Variants in RIMS1 observed in about 807,000 individuals in gnomAD.
RIMS1 encodes regulating synaptic membrane exocytosis 1.
RIMS1 carries 83 observed loss-of-function variants against 214.1 expected under a neutral mutation model. The ratio of observed to expected loss-of-function variants is 0.39; its 90% confidence interval spans 0.32 to 0.47. The LOEUF (loss-of-function observed/expected upper bound fraction) is 0.47, where lower values mean the gene tolerates loss of function less well. RIMS1 is among the 20% of genes least tolerant of loss of function. The pLI is 0.99. For missense variants in RIMS1, 2,050 were observed against 2,161.8 expected (o/e 0.95, Z 1.03); for synonymous variants, 793 against 786.8 (o/e 1.01, Z -0.13).
chr6:71,921,118 A>T (rs1436166153), intron 1 of RIMS1, among the ~76,000 whole-genome samples: 1 of 152,008 alleles, frequency 6.6e-6, no homozygotes, highest in Non-Finnish European at 1.5e-5. Context: ...CTTCAATACA[A>T]GCCATTATTT....
At chr6:72,210,423 T>C (rs983968495) in intron 6 of RIMS1, among the ~76,000 whole-genome samples, 1 of 152,214 alleles carries the variant, frequency 6.6e-6, no homozygotes, top group African/African-American at 2.4e-5. Context: ...ATGCAGTGTG[T>C]CCTGAATACA....
intron 2 of RIMS1, among the ~76,000 whole-genome samples, chr6:72,032,413 G>T (rs1057044663): frequency 6.6e-6 from 1 of 152,122 alleles, no homozygotes; most frequent in African/African-American, 2.4e-5. Flanking sequence ...ATATATATGG[G>T]TTTAAGTTTG....
At chr6:72,189,911 A>G (rs2049779970) in intron 6 of RIMS1, among the ~76,000 whole-genome samples, 1 of 152,176 alleles carries the variant, frequency 6.6e-6, no homozygotes, top group Non-Finnish European at 1.5e-5. Context: ...GGATACAAAT[A>G]TCTTCAGTTT....
chr6:72,011,758 T>C (rs543819599), intron 2 of RIMS1, among the ~76,000 whole-genome samples: 5 of 152,238 alleles, frequency 3.3e-5, no homozygotes, highest in South Asian at 4.1e-4. Context: ...ATCAGAGAAA[T>C]GCAAATCAAA....
chr6:72,288,618 T>G (rs1286579588), intron 24 of RIMS1, among the ~76,000 whole-genome samples: 2 of 152,186 alleles, frequency 1.3e-5, no homozygotes, highest in Non-Finnish European at 2.9e-5. Context: ...CAGAATTTCT[T>G]GATTAATTGT....
intron 1 of RIMS1, among the ~76,000 whole-genome samples, chr6:71,966,276 G>A (rs1465065621): frequency 6.6e-6 from 1 of 152,166 alleles, no homozygotes; most frequent in Non-Finnish European, 1.5e-5. Context: ...TATGGAAAAT[G>A]TGTTGTTTTC....
intron 6 of RIMS1, among the ~76,000 whole-genome samples, chr6:72,183,387 G>T (rs1008174240): frequency 6.6e-6 from 1 of 152,058 alleles, no homozygotes; most frequent in Admixed American, 6.5e-5. Flanking sequence ...TGGTGATTTT[G>T]CATTCTGTCA....
intron 1 of RIMS1, among the ~76,000 whole-genome samples, chr6:71,925,883 A>AT (rs568569963): frequency 4.8e-4 from 73 of 152,244 alleles, no homozygotes; most frequent in African/African-American, 1.6e-3. Context: ...ATCCCTGTGG[A>AT]TTTTTTTACA....
At chr6:71,951,477 T>C (rs529232098) in intron 1 of RIMS1, among the ~76,000 whole-genome samples, 16 of 136,014 alleles carry the variant, frequency 1.2e-4, no homozygotes, top group African/African-American at 4.5e-4. Flanking sequence ...CTTTTCTTTT[T>C]CTTTTTTTTT....
chr6:72,094,095 T>G (rs2030253373), intron 2 of RIMS1, among the ~76,000 whole-genome samples: 2 of 133,470 alleles, frequency 1.5e-5, no homozygotes, highest in Admixed American at 1.6e-4. Context: ...TTGTCCTCAA[T>G]ATGAACTTGT....
intron 12 of RIMS1, 74 bp downstream of exon 12, chr6:72,248,201 C>A: frequency 2.3e-6 from 2 of 868,184 alleles, no homozygotes; most frequent in East Asian, 2.5e-5. Context: ...TAAATATGTT[C>A]GCCTTTCCTT....
intron 4 of RIMS1, among the ~76,000 whole-genome samples, chr6:72,147,697 A>T (rs2042935771): frequency 1.3e-5 from 2 of 152,244 alleles, no homozygotes; most frequent in Non-Finnish European, 2.9e-5. Flanking sequence ...TTTTAAATAT[A>T]CCTATAGCTT....
chr6:71,951,028 C>A (rs76851473), intron 1 of RIMS1, among the ~76,000 whole-genome samples: 112 of 152,210 alleles, frequency 7.4e-4, no homozygotes, highest in Middle Eastern at 3.4e-3. Context: ...CATTTAAATT[C>A]TTTCTTAAAA....
intron 26 of RIMS1, among the ~76,000 whole-genome samples, chr6:72,300,705 C>G (rs2094522283): frequency 6.6e-6 from 1 of 151,686 alleles, no homozygotes. Flanking sequence ...CCCTAAAGGA[C>G]AAGATATATA....
At chr6:72,025,161 CCCAA>C (rs1185657602) in intron 2 of RIMS1, among the ~76,000 whole-genome samples, 1 of 152,142 alleles carries the variant, frequency 6.6e-6, no homozygotes, top group Non-Finnish European at 1.5e-5. Flanking sequence ...GTCTTGCTCT[CCCAA>C]GTGCTGGGAT....
chr6:72,096,708 G>T (rs983258372), intron 2 of RIMS1, among the ~76,000 whole-genome samples: 1 of 152,152 alleles, frequency 6.6e-6, no homozygotes, highest in Non-Finnish European at 1.5e-5. Context: ...GACAAACAGG[G>T]CTTATGTAGC....
chr6:71,962,670 A>G (rs1263521895), intron 1 of RIMS1, among the ~76,000 whole-genome samples: 3 of 152,186 alleles, frequency 2.0e-5, no homozygotes, highest in Non-Finnish European at 2.9e-5. Flanking sequence ...AAATTTTTAT[A>G]TAAAATGAGT....
chr6:72,177,405 C>T (rs938170970), intron 4 of RIMS1, among the ~76,000 whole-genome samples: 2 of 152,134 alleles, frequency 1.3e-5, no homozygotes, highest in African/African-American at 4.8e-5. Context: ...GCATGCACCA[C>T]CATGCCCGGC....
At chr6:72,028,643 A>G (rs1415442818) in intron 2 of RIMS1, among the ~76,000 whole-genome samples, 1 of 152,218 alleles carries the variant, frequency 6.6e-6, no homozygotes, top group Non-Finnish European at 1.5e-5. Flanking sequence ...CTAAAAAGAC[A>G]AACGAAAGCA....
Sources: allele counts gnomAD v4.1 joint callset (sites outside exome capture counted in the v4.1 genomes callset), GRCh38; gene constraint gnomAD v4.1.1; transcripts MANE v1.5; gene names NCBI Gene and HGNC (gene_info 2026-07-23, HGNC 2026-07-21).